The following LIG1 variants were observed in gnomAD, a reference collection of about 807,000 sequenced individuals.
LIG1 encodes the protein ligase I, DNA, ATP-dependent.
Under a neutral mutation model 115.7 loss-of-function variants are expected in LIG1, and 70 were observed. The observed-to-expected ratio is 0.60, with a 90% CI of 0.50 to 0.74. The LOEUF is 0.74. Ranked by LOEUF, LIG1 falls within the 30% of genes least tolerant of loss-of-function variation. The pLI is 0.00. For synonymous variants in LIG1, 487 were observed against 495.3 expected (o/e 0.98, Z 0.22); for missense variants, 1,115 against 1,225.6 (o/e 0.91, Z 1.35).
chr19:48,166,837 G>C (rs2036507418), intron 1 of LIG1, among the ~76,000 whole-genome samples: 1 of 151,764 alleles, frequency 6.6e-6, no homozygotes, highest in Non-Finnish European at 1.5e-5. Flanking sequence ...CAGGTATGGT[G>C]GTGCACACCT....
chr19:48,162,402 C>T (rs1256134520), intron 2 of LIG1, 51 bp from the exon 3 acceptor site: 4 of 1,315,948 alleles, frequency 3.0e-6, no homozygotes, highest in Non-Finnish European at 4.4e-6. Flanking sequence ...GCACCAATAC[C>T]CTGCCTATCT....
chr19:48,168,696 T>C (rs1012691989), intron 1 of LIG1, among the ~76,000 whole-genome samples: 3 of 152,196 alleles, frequency 2.0e-5, no homozygotes, highest in Non-Finnish European at 4.4e-5. Context: ...TAGAATATTG[T>C]TCAGGGTTAA....
At chr19:48,157,281 C>A in intron 4 of LIG1, 141 bp from the exon 5 acceptor site, 1 of 810,552 alleles carries the variant, frequency 1.2e-6, no homozygotes, top group Non-Finnish European at 1.8e-6. Flanking sequence ...TCAGGGGTGG[C>A]CTCTTCTCAC....
At chr19:48,169,454 C>T (rs979125435) in intron 1 of LIG1, among the ~76,000 whole-genome samples, 15 of 152,220 alleles carry the variant, frequency 9.9e-5, no homozygotes, top group Non-Finnish European at 1.6e-4. Flanking sequence ...CTTTTCACAA[C>T]TTCCTTGAAT....
chr19:48,167,841 A>C (rs74666865), intron 1 of LIG1, among the ~76,000 whole-genome samples: 5 of 147,350 alleles, frequency 3.4e-5, no homozygotes, highest in African/African-American at 1.0e-4. Flanking sequence ...AAAAAAAAAA[A>C]AAAAAAAAAC....
intron 12 of LIG1, 113 bp downstream of exon 12, chr19:48,139,858 C>T (rs2034625244): frequency 7.8e-7 from 1 of 1,283,492 alleles, no homozygotes; most frequent in African/African-American, 1.5e-5. Context: ...TCAGCCTTCT[C>T]CTCAACCCTG....
At chr19:48,151,615 G>A (rs188150220) in intron 6 of LIG1, among the ~76,000 whole-genome samples, 28 of 152,160 alleles carry the variant, frequency 1.8e-4, no homozygotes, top group African/African-American at 6.0e-4. Context: ...ATTTTTAGTA[G>A]AGATGGGATT....
intron 7 of LIG1, 21 bp from the exon 8 acceptor site, chr19:48,150,231 C>G (rs749844570): frequency 3.1e-6 from 5 of 1,613,882 alleles, no homozygotes; most frequent in Non-Finnish European, 4.2e-6. Context: ...AGAGCTCAGA[C>G]GGTGATGCAA....
chr19:48,150,421 T>C (rs189805959), intron 7 of LIG1, among the ~76,000 whole-genome samples: 2 of 152,160 alleles, frequency 1.3e-5, no homozygotes, highest in South Asian at 2.1e-4. Context: ...TGGCCTGAAA[T>C]AGGAGACTTA....
intron 4 of LIG1, among the ~76,000 whole-genome samples, chr19:48,159,945 C>T (rs975015914): frequency 2.0e-5 from 3 of 152,098 alleles, no homozygotes; most frequent in Non-Finnish European, 2.9e-5. Context: ...TCTCAATCTC[C>T]GGACCTTGTG....
intron 3 of LIG1, among the ~76,000 whole-genome samples, chr19:48,161,901 T>C (rs1170133904): frequency 1.7e-4 from 25 of 144,598 alleles, no homozygotes; most frequent in South Asian, 2.3e-4. Flanking sequence ...GATCACACCA[T>C]TGCACTCCAG....
intron 4 of LIG1, among the ~76,000 whole-genome samples, chr19:48,160,783 A>G (rs1186504231): frequency 6.6e-6 from 1 of 151,492 alleles, no homozygotes; most frequent in Non-Finnish European, 1.5e-5. Flanking sequence ...CCCCGGCTGG[A>G]GTACAGTGGT....
intron 6 of LIG1, among the ~76,000 whole-genome samples, chr19:48,153,582 A>C (rs1198248298): frequency 6.6e-6 from 1 of 151,412 alleles, no homozygotes; most frequent in Non-Finnish European, 1.5e-5. Context: ...ACAGGCATCA[A>C]ATCGGCAGGG....
intron 11 of LIG1, among the ~76,000 whole-genome samples, chr19:48,142,212 C>T (rs542947173): frequency 1.3e-5 from 2 of 151,922 alleles, no homozygotes; most frequent in South Asian, 2.1e-4. Flanking sequence ...CGGAGGTGGG[C>T]GGATCACGAG....
chr19:48,138,370 C>A (rs530751484), intron 12 of LIG1, among the ~76,000 whole-genome samples: 1 of 152,210 alleles, frequency 6.6e-6, no homozygotes, highest in Non-Finnish European at 1.5e-5. Flanking sequence ...CGCCCTAACC[C>A]TAACACAGAA....
At position 48,151,255 on chromosome 19, in the gene LIG1, G is replaced by A. The variant is rs998892192; in HGVS notation, c.551C>T (p.Pro184Leu). ...EGEDGDQPTT[P>L]PKPLKTSKAE... ...ACTGGAGGTCTTTAGGGGCTTGGGA[G>A]GCGTGGTGGGCTGGTCCCCGTCTTC... Residue 184 changes from proline (P) to leucine (L), a missense_variant, in exon 7 of 28, where the codon CCT becomes CTT. Physicochemically the swap from Pro to Leu is moderately conservative, Grantham distance 98. Transcript: ENST00000263274. 3.1e-6 allele frequency: 5 copies of A among 1,613,508 alleles called. No homozygotes were observed. Among genetic ancestry groups the A allele is most frequent in the African/African-American group, 1.3e-5 (1 of 74,984 alleles).
intron 18 of LIG1, among the ~76,000 whole-genome samples, chr19:48,132,777 T>A (rs2034112404): frequency 1.9e-5 from 2 of 107,750 alleles, no homozygotes; most frequent in South Asian, 5.7e-4. Flanking sequence ...GATGACAGAG[T>A]GAGACTCTGT....
chr19:48,162,832 G>T (rs539016915), intron 2 of LIG1, among the ~76,000 whole-genome samples: 1 of 152,162 alleles, frequency 6.6e-6, no homozygotes, highest in Non-Finnish European at 1.5e-5. Flanking sequence ...AGACAAAGGA[G>T]GCAACACTAA....
chr19:48,129,465 T>C (rs1476594767), intron 19 of LIG1, among the ~76,000 whole-genome samples: 1 of 152,212 alleles, frequency 6.6e-6, no homozygotes, highest in Non-Finnish European at 1.5e-5. Context: ...CCTGCTCTGC[T>C]GGGCTGTGAG....
Sources: gnomAD v4.1 joint callset for allele counts (sites outside exome capture counted in the v4.1 genomes callset) on GRCh38, gnomAD v4.1.1 for gene constraint, MANE v1.5 for transcripts, NCBI Gene and HGNC (gene_info 2026-07-23, HGNC 2026-07-21) for gene names.